Variants in KIF3C observed in about 807,000 individuals in gnomAD.
KIF3C encodes kinesin-like protein KIF3C.
Under a neutral mutation model 67.7 loss-of-function variants are expected in KIF3C, and 12 were observed. The ratio of observed to expected loss-of-function variants is 0.18; its 90% confidence interval spans 0.11 to 0.29. KIF3C has a LOEUF of 0.29. KIF3C is among the 10% of genes least tolerant of loss of function. The pLI is 1.00. For missense variants in KIF3C, 789 were observed against 1,059.6 expected (o/e 0.74, Z 3.55); for synonymous variants, 393 against 426.2 (o/e 0.92, Z 0.96).
chr2:25,948,740 TGAAG>T (rs1272464177), intron 5 of KIF3C, among the ~76,000 whole-genome samples: 2 of 95,270 alleles, frequency 2.1e-5, no homozygotes, highest in Non-Finnish European at 4.0e-5. Flanking sequence ...AGGGAAGGAA[TGAAG>T]GGAGGGAGGG....
chr2:25,974,304 G>A (rs1310620823), intron 1 of KIF3C, among the ~76,000 whole-genome samples: 1 of 151,962 alleles, frequency 6.6e-6, no homozygotes, highest in African/African-American at 2.4e-5. Flanking sequence ...TCCTGACCTC[G>A]TGATCCACCC....
At chr2:25,975,174 T>C (rs1381677631) in intron 1 of KIF3C, among the ~76,000 whole-genome samples, 1 of 152,182 alleles carries the variant, frequency 6.6e-6, no homozygotes, top group African/African-American at 2.4e-5. Context: ...TTTTCTTTCC[T>C]TTTTAAGACA....
At position 25,950,894 on chromosome 2, in the gene KIF3C, TAAA is replaced by T. The variant is rs10561610; in HGVS notation, c.2006+892_2006+894del. Reference sequence around the variant, plus strand: ...AAATAGGCATCTAAGCTATAGTTGTTAAAAAAAAAAAAAAGAAGAAGAAAAGAA... The same window carrying T: ...AAATAGGCATCTAAGCTATAGTTGTTAAAAAAAAAAAGAAGAAGAAAAGAA... On this transcript the variant is annotated intron_variant, in intron 5 of 7. Transcript: ENST00000264712. Among the ~76,000 whole-genome samples, 260 of 134,590 alleles carry T rather than the reference TAAA, an allele frequency of 1.9e-3. 3 individuals carry two copies. The highest frequency in any genetic ancestry group is 6.5e-3 in the African/African-American group (247 of 37,792). 88.3% of individuals were successfully genotyped at this position (134,590 alleles called of 152,430 possible). A position where few individuals can be genotyped will look rare whatever the true frequency, so the allele number is the denominator to read the frequency against.
chr2:25,937,936 T>TA (rs1663175896), intron 5 of KIF3C, among the ~76,000 whole-genome samples: 1 of 151,412 alleles, frequency 6.6e-6, no homozygotes, highest in Non-Finnish European at 1.5e-5. Context: ...GCACCTGTAG[T>TA]CCCAGCTATT....
intron 1 of KIF3C, among the ~76,000 whole-genome samples, chr2:25,962,960 T>TATATATAATATATA (rs1173947940): frequency 3.1e-5 from 1 of 31,998 alleles, no homozygotes; most frequent in African/African-American, 2.4e-4. Context: ...TAATATATAA[T>TATATATAATATATA]ATATATAATA....
At chr2:25,950,122 C>G (rs1254527342) in intron 5 of KIF3C, among the ~76,000 whole-genome samples, 1 of 151,640 alleles carries the variant, frequency 6.6e-6, no homozygotes, top group Non-Finnish European at 1.5e-5. Flanking sequence ...AAACTCCTGA[C>G]GCCAAGTGAT....
intron 1 of KIF3C, among the ~76,000 whole-genome samples, chr2:25,965,014 C>T (rs774153814): frequency 1.3e-5 from 2 of 152,192 alleles, no homozygotes; most frequent in South Asian, 4.1e-4. Flanking sequence ...GGGCCCTGGG[C>T]TCCATAAAGA....
At chr2:25,954,828 C>A (rs1299376337) in intron 3 of KIF3C, among the ~76,000 whole-genome samples, 1 of 152,174 alleles carries the variant, frequency 6.6e-6, no homozygotes, top group African/African-American at 2.4e-5. Context: ...TGGAAGGTGA[C>A]CCCTCCCACT....
At chr2:25,976,870 C>T (rs1664430824) in intron 1 of KIF3C, among the ~76,000 whole-genome samples, 1 of 152,198 alleles carries the variant, frequency 6.6e-6, no homozygotes. Flanking sequence ...GTTCACCTGT[C>T]CTCACTGCAG....
Position 25,980,481 on chromosome 2 carries a change from G to GCGGT in KIF3C, c.1433_1436dup (p.Ser480ProfsTer75). ...TCTGCTTCTCCTCGCTCACCAGGCT[G>GCGGT]CGGTCATCCTGGATGGCTGCCTTCT... On this transcript the variant is annotated frameshift_variant, in exon 1 of 8. Coordinates refer to ENST00000264712, the MANE Select transcript of KIF3C (RefSeq NM_002254.8). LOFTEE classifies it high-confidence loss of function. The surrounding 1 kb of genome is among the most constrained non-coding windows in gnomAD (Gnocchi z 7.6). 6.2e-7 allele frequency: 1 copy of GCGGT among 1,614,116 alleles called. No homozygotes were observed. Among genetic ancestry groups the GCGGT allele is most frequent in the Non-Finnish European group, 8.5e-7 (1 of 1,180,034 alleles).
At position 25,928,687 on chromosome 2, in the gene KIF3C, G is replaced by A; in HGVS notation, c.*291C>T. ...GGACAAGCCTGAGATCTGACTGGGG[G>A]AGCTCTCAAGTCAGAAGAAAAAGAG... On this transcript the variant is annotated 3_prime_UTR_variant, in exon 8 of 8. Transcript: ENST00000264712. 1 of 261,856 alleles carries A rather than the reference G, an allele frequency of 3.8e-6. No homozygotes were observed. Among genetic ancestry groups the A allele is most frequent in the South Asian group, 6.5e-5 (1 of 15,476 alleles). 16.2% of individuals were successfully genotyped at this position (261,856 alleles called of 1,614,324 possible).
chr2:25,950,884 C>A (rs1663589519), intron 5 of KIF3C, among the ~76,000 whole-genome samples: 1 of 134,970 alleles, frequency 7.4e-6, no homozygotes, highest in African/African-American at 3.0e-5. Flanking sequence ...GGCATCTAAG[C>A]TATAGTTGTT....
At chr2:25,945,297 G>T (rs1176599369) in intron 5 of KIF3C, among the ~76,000 whole-genome samples, 1 of 152,068 alleles carries the variant, frequency 6.6e-6, no homozygotes, top group Non-Finnish European at 1.5e-5. Context: ...TCTTGGAAAA[G>T]AAAACACTAT....
rs950031355 is a variant in KIF3C at position 25,982,136 on chromosome 2, G to A, written c.-219C>T. The A allele has an allele frequency of 5.6e-5, 27 of 478,110 alleles. No homozygotes were observed. The highest frequency in any genetic ancestry group is 4.2e-4 in the African/African-American group (21 of 50,496). 29.6% of individuals were successfully genotyped at this position (478,110 alleles called of 1,614,324 possible). A position where few individuals can be genotyped will look rare whatever the true frequency, so the allele number is the denominator to read the frequency against. ...CGGTCCTCTCTGCACCGGCTGGGAG[G>A]TGAATTAGGCAGAATCCCCCAGTCG... On this transcript the variant is annotated 5_prime_UTR_variant, in exon 1 of 8. Transcript: ENST00000264712.
intron 5 of KIF3C, among the ~76,000 whole-genome samples, chr2:25,939,989 A>G (rs1332118184): frequency 6.6e-6 from 1 of 152,030 alleles, no homozygotes; most frequent in Non-Finnish European, 1.5e-5. Context: ...AATAAAATAA[A>G]CCCAGAGGCA....
chr2:25,963,567 G>A (rs1381373234), intron 1 of KIF3C, among the ~76,000 whole-genome samples: 1 of 151,536 alleles, frequency 6.6e-6, no homozygotes, highest in Non-Finnish European at 1.5e-5. Context: ...AACATTTTGT[G>A]TATCTTGGAA....
chr2:25,939,866 C>T (rs1210336809), intron 5 of KIF3C, among the ~76,000 whole-genome samples: 3 of 152,112 alleles, frequency 2.0e-5, no homozygotes, highest in Non-Finnish European at 4.4e-5. Context: ...ACAAGAATCG[C>T]TTGAACCTGT....
intron 1 of KIF3C, among the ~76,000 whole-genome samples, chr2:25,969,157 T>G (rs1355042743): frequency 6.6e-6 from 1 of 152,212 alleles, no homozygotes; most frequent in East Asian, 1.9e-4. Context: ...TTACAGCTCC[T>G]GGGAGGGAAA....
At position 25,981,265 on chromosome 2, in the gene KIF3C, G is replaced by C. The variant is rs1559560412; in HGVS notation, c.653C>G (p.Ala218Gly). 1.2e-6 allele frequency: 2 copies of C among 1,614,204 alleles called. No individual in the cohort carries two copies. Among genetic ancestry groups the C allele is most frequent in the Non-Finnish European group, 1.7e-6 (2 of 1,180,034 alleles). ...GCACTCCACAGTGATGATGAAGATGGCATGGGAGCGGGAGCTGACCTCATT... is the reference window on the plus strand; with the variant it reads ...GCACTCCACAGTGATGATGAAGATGCCATGGGAGCGGGAGCTGACCTCATT... ...HMNEVSSRSH[A>G]IFIITVECSE... The change falls in exon 1 of 8, where the codon GCC (alanine) becomes GGC (glycine). Residue 218 changes from alanine (A) to glycine (G), a missense_variant. Ala to Gly is a moderately conservative substitution (Grantham distance 60, BLOSUM62 0). Transcript: ENST00000264712. This position sits in a 1 kb window ranked among gnomAD's most constrained non-coding sequence, Gnocchi z 8.2.
Sources: allele counts gnomAD v4.1 joint callset (sites outside exome capture counted in the v4.1 genomes callset), GRCh38; gene constraint gnomAD v4.1.1; non-coding constraint Gnocchi (gnomAD v3.1); transcripts MANE v1.5; gene names NCBI Gene and HGNC (gene_info 2026-07-23, HGNC 2026-07-21).